The following TVP23C variants were observed in gnomAD, a reference collection of about 807,000 sequenced individuals.
TVP23C encodes trans-golgi network vesicle protein 23 homolog C.
Under a neutral mutation model 28.7 loss-of-function variants are expected in TVP23C, and 19 were observed. The ratio of observed to expected loss-of-function variants is 0.66; its 90% CI spans 0.46 to 0.97. The LOEUF is 0.97. Ranked by LOEUF, TVP23C falls within the 50% of genes least tolerant of loss-of-function variation. The pLI is 0.00. For synonymous variants in TVP23C, 68 were observed against 81.7 expected (o/e 0.83, Z 0.90); for missense variants, 186 against 241.3 (o/e 0.77, Z 1.52).
At chr17:15,562,222 T>C (rs1475734572) in intron 1 of TVP23C, 1 of 152,182 alleles carries the variant, frequency 6.6e-6, no homozygotes, top group Non-Finnish European at 1.5e-5. Context: ...GATCCAAGAC[T>C]TTTTTTGTTT....
At chr17:15,542,623 C>A (rs1489717318) in intron 5 of TVP23C, among the ~76,000 whole-genome samples, 1 of 152,014 alleles carries the variant, frequency 6.6e-6, no homozygotes, top group Non-Finnish European at 1.5e-5. Context: ...ACTACAGGTG[C>A]CTGCCACCAC....
At chr17:15,559,979 A>T (rs1056850422) in intron 1 of TVP23C, among the ~76,000 whole-genome samples, 3 of 149,466 alleles carry the variant, frequency 2.0e-5, no homozygotes, top group African/African-American at 7.3e-5. Context: ...GAAACCAAAC[A>T]AAGTGCCTCC....
chr17:15,504,388 C>A (rs1464025389), intron 5 of TVP23C, among the ~76,000 whole-genome samples: 4 of 152,114 alleles, frequency 2.6e-5, no homozygotes, highest in African/African-American at 9.7e-5. Flanking sequence ...GGTCATGGGG[C>A]TTTTGCTTCT....
chr17:15,523,343 G>A (rs1185494077), intron 5 of TVP23C, among the ~76,000 whole-genome samples: 2 of 144,628 alleles, frequency 1.4e-5, no homozygotes, highest in African/African-American at 2.6e-5. Context: ...ACAGAGTCTC[G>A]CTCTGTTGCC....
intron 4 of TVP23C, 152 bp downstream of exon 4, chr17:15,546,907 T>C (rs1983670579): frequency 1.9e-6 from 2 of 1,045,490 alleles, no homozygotes; most frequent in Non-Finnish European, 2.7e-6. Context: ...GAAAAATGCA[T>C]TAAATTCTAG....
At chr17:15,532,011 C>T (rs1460649760), downstream of TVP23C, among the ~76,000 whole-genome samples, 1 of 152,040 alleles carries the variant, frequency 6.6e-6, no homozygotes, top group African/African-American at 2.4e-5. Flanking sequence ...GTTGCAGTCA[C>T]CAAAATCTCT....
chr17:15,537,859 G>A lies in TVP23C; in HGVS notation c.*2553C>T, dbSNP rs1402582222. Reference sequence around the variant, plus strand: ...TGGGATATACAGGTATTACATGGCCGTGTGCATACCTATGGAATGTGCATA... The same window carrying A: ...TGGGATATACAGGTATTACATGGCCATGTGCATACCTATGGAATGTGCATA... On this transcript the variant is annotated 3_prime_UTR_variant, in exon 6 of 6. Transcript: ENST00000518321. The A allele has an allele frequency of 1.1e-5, 14 of 1,301,370 alleles. No individual in the cohort carries two copies. Among genetic ancestry groups the A allele is most frequent in the Middle Eastern group, 2.9e-4 (1 of 3,426 alleles). 80.6% of individuals were successfully genotyped at this position (1,301,370 alleles called of 1,614,324 possible).
At chr17:15,504,406 G>C (rs1205426852) in intron 5 of TVP23C, among the ~76,000 whole-genome samples, 2 of 152,170 alleles carry the variant, frequency 1.3e-5, no homozygotes, top group Non-Finnish European at 1.5e-5. Context: ...TCTGGACAAG[G>C]CTAAGATTTA....
At chr17:15,503,524 T>C (rs528011166) in intron 5 of TVP23C, 1 of 242,750 alleles carries the variant, frequency 4.1e-6, no homozygotes, top group South Asian at 1.7e-4. Flanking sequence ...TTAGTCTCGT[T>C]TTGTTGCCTT....
intron 3 of TVP23C, among the ~76,000 whole-genome samples, chr17:15,551,120 TTG>T (rs1983862982): frequency 1.4e-5 from 2 of 146,702 alleles, no homozygotes; most frequent in African/African-American, 2.7e-5. Flanking sequence ...GTTGCCATTA[TTG>T]TTTTTTTTTT....
At chr17:15,514,161 A>G (rs1342164246) in intron 5 of TVP23C, among the ~76,000 whole-genome samples, 1 of 152,228 alleles carries the variant, frequency 6.6e-6, no homozygotes, top group Non-Finnish European at 1.5e-5. Flanking sequence ...GGCAGCAAAC[A>G]TACTTTTTAA....
chr17:15,542,236 C>T (rs1347196320), intron 5 of TVP23C, among the ~76,000 whole-genome samples: 1 of 152,132 alleles, frequency 6.6e-6, no homozygotes, highest in African/African-American at 2.4e-5. Flanking sequence ...ATAGCCATGA[C>T]AGCAGAAACT....
Position 15,539,176 on chromosome 17 carries a change from G to C in TVP23C, c.*1236C>G. The C allele has an allele frequency of 1.1e-6, 1 of 942,958 alleles. No homozygotes were observed. Among genetic ancestry groups the C allele is most frequent in the Non-Finnish European group, 1.3e-6 (1 of 791,354 alleles). The allele number at this position is 942,958 out of a possible 1,614,324, so 58.4% of individuals were successfully genotyped here. A position where few individuals can be genotyped will look rare whatever the true frequency, so the allele number is the denominator to read the frequency against. On this transcript the variant is annotated 3_prime_UTR_variant, in exon 6 of 6. Coordinates refer to ENST00000518321, the MANE Select transcript of TVP23C (RefSeq NM_001135036.2). ...TCCACCCCCAGATCTACTGAATAAG[G>C]AGTCTGGAGGTGGAACCCAGCAATC... is the stretch of plus-strand genomic sequence containing the variant.
chr17:15,524,062 GGGTGTGT>G lies in TVP23C; in HGVS notation c.463-20837_463-20831del, dbSNP rs1226020152. On this transcript the variant is annotated intron_variant, in intron 5 of 5. Coordinates refer to the TVP23C transcript ENST00000225576. Reference sequence around the variant, plus strand: ...TGTTTGTTGTGGTTGTAGCAGAGTGGGGTGTGTGTGTGTGTGTGTGTGTGTGTGTGTG... The same window carrying G: ...TGTTTGTTGTGGTTGTAGCAGAGTGGGTGTGTGTGTGTGTGTGTGTGTGTG... Among the ~76,000 whole-genome samples the G allele has an allele frequency of 2.3e-3, 290 of 128,844 alleles. 2 individuals are homozygous for G. The highest frequency in any genetic ancestry group is 7.9e-3 in the African/African-American group (264 of 33,352). 84.5% of individuals were successfully genotyped at this position (128,844 alleles called of 152,430 possible).
In TVP23C at chr17:15,545,782, C is replaced by A; in HGVS notation, c.462+3G>T. The stretch of plus-strand genomic sequence containing the variant: ...TATTTGAAAGTTCTACACTGATACT[C>A]ACCAGCCACTTTACTGTGAAGGAGA... On this transcript the variant is annotated splice_donor_region_variant and intron_variant, in intron 5 of 5. Transcript: ENST00000518321. The A allele has an allele frequency of 6.2e-7, 1 of 1,612,382 alleles. No homozygotes were observed. The highest frequency in any genetic ancestry group is 1.1e-5 in the South Asian group (1 of 90,858).
intron 1 of TVP23C, among the ~76,000 whole-genome samples, chr17:15,560,729 G>T (rs562729577): frequency 6.8e-6 from 1 of 147,690 alleles, no homozygotes; most frequent in Non-Finnish European, 1.5e-5. Context: ...CTAATTTGTT[G>T]TTTTTCAGTA....
rs570565181 is a variant in TVP23C, at chr17:15,550,082, C to T, written c.241-2934G>A. ...ATTAGTTTATTTTCCTGATTTCTCA[C>T]ACTTATTGCTTGTTTTTGAAATTTC... On this transcript the variant is annotated intron_variant, in intron 3 of 5. Transcript: ENST00000518321. Among the ~76,000 whole-genome samples, 3 of 152,278 alleles carry T rather than the reference C, an allele frequency of 2.0e-5. No homozygotes were observed. In the East Asian group the frequency reaches 5.8e-4, roughly 29 times the overall value.
intron 5 of TVP23C, among the ~76,000 whole-genome samples, chr17:15,504,458 G>C (rs921421365): frequency 6.6e-6 from 1 of 152,186 alleles, no homozygotes; most frequent in African/African-American, 2.4e-5. Context: ...TGGAAGAGAA[G>C]AGCTGCGCTT....
At chr17:15,563,212 CG>C (rs1984482604) in intron 1 of TVP23C, 4 of 724,772 alleles carry the variant, frequency 5.5e-6, no homozygotes. Context: ...TCCCCACAGC[CG>C]CAAGAAGTAC....
Sources: gnomAD v4.1 joint callset for allele counts (sites outside exome capture counted in the v4.1 genomes callset) on GRCh38, gnomAD v4.1.1 for gene constraint, MANE v1.5 for transcripts, NCBI Gene and HGNC (gene_info 2026-07-23, HGNC 2026-07-21) for gene names.